Variants in TTC17 observed in about 807,000 individuals in gnomAD.
TTC17 encodes tetratricopeptide repeat domain 17, also known as tetratricopeptide repeat protein 17.
Under a neutral mutation model 143.8 loss-of-function variants are expected in TTC17, and 58 were observed. The observed-to-expected ratio is 0.40, with a 90% CI of 0.33 to 0.50. The LOEUF (loss-of-function observed/expected upper bound fraction) is 0.50. Among genes scored for constraint, TTC17 ranks in the 20% least tolerant of loss-of-function variants. The probability of loss-of-function intolerance (pLI) is 0.49; values close to 1 mark genes in which losing one functional copy is unlikely to be tolerated. For missense variants in TTC17, 1,273 were observed against 1,392.5 expected (o/e 0.91, Z 1.37); for synonymous variants, 501 against 497.8 (o/e 1.01, Z -0.09).
intron 16 of TTC17, among the ~76,000 whole-genome samples, chr11:43,430,102 G>T (rs1947119191): frequency 6.6e-6 from 1 of 152,148 alleles, no homozygotes; most frequent in Admixed American, 6.5e-5. Context: ...AAAACAAAAA[G>T]TTTGGGGAAG....
intron 6 of TTC17, 167 bp downstream of exon 6, chr11:43,396,985 A>G (rs558815515): frequency 2.1e-6 from 1 of 482,172 alleles, no homozygotes; most frequent in Non-Finnish European, 3.6e-6. Flanking sequence ...CACAGATCTC[A>G]AAAAGTTCAA....
Position 43,492,126 on chromosome 11 carries a change from T to C in TTC17, c.3257T>C (p.Val1086Ala), listed in dbSNP as rs986596383. 3 of 1,614,112 alleles carry C rather than the reference T, an allele frequency of 1.9e-6. No individual in the cohort carries two copies. The African/African-American group carries it at 4.0e-5, about 22-fold the overall frequency. Residue 1086 changes from valine to alanine, a missense_variant, in exon 23 of 24, where the codon GTG becomes GCG. By Grantham distance (64) the Val-to-Ala change is moderately conservative (BLOSUM62 0). Transcript: ENST00000039989. ...GTAGAGATCGCACCACACTTTGCTG[T>C]GAACCACTTCACTCTGGGCAATGTC... ...MAVEIAPHFA[V>A]NHFTLGNVYV...
chr11:43,389,144 A>G (rs1857284102), intron 2 of TTC17, among the ~76,000 whole-genome samples: 1 of 152,034 alleles, frequency 6.6e-6, no homozygotes, highest in Admixed American at 6.5e-5. Flanking sequence ...GTCTCAAAAA[A>G]AAAAAAAGGG....
intron 1 of TTC17, chr11:43,370,365 TA>T (rs1856516952): frequency 5.1e-6 from 1 of 194,692 alleles, no homozygotes; most frequent in African/African-American, 2.3e-5. Context: ...GTGATAAGGG[TA>T]AAAATCTGAG....
rs773013435 is a variant in TTC17, at chr11:43,414,758, ACTT to A, written c.2239_2241del (p.Ser747del). The A allele has an allele frequency of 1.7e-5, 28 of 1,613,134 alleles. No individual in the cohort carries two copies. The highest frequency in any genetic ancestry group is 1.7e-4 in the Middle Eastern group (1 of 6,054). ...GTTTTATCCTTTTCTGTACAACATC[ACTT>A]CTTCTGTTTGCAGTGGTAAGCAGCT... On this transcript the variant is annotated inframe_deletion, in exon 16 of 24. Transcript: ENST00000039989.
intron 16 of TTC17, among the ~76,000 whole-genome samples, chr11:43,424,700 G>A (rs1946985051): frequency 6.6e-6 from 1 of 152,146 alleles, no homozygotes; most frequent in African/African-American, 2.4e-5. Context: ...AACCCGGGAG[G>A]TGGAGGTTGC....
At chr11:43,418,987 A>G (rs1276698558) in intron 16 of TTC17, among the ~76,000 whole-genome samples, 3 of 152,280 alleles carry the variant, frequency 2.0e-5, no homozygotes, top group South Asian at 2.1e-4. Flanking sequence ...TTAATGGTCT[A>G]TATTTATTAT....
At chr11:43,483,084 CAGGT>C (rs770925275) in intron 21 of TTC17, among the ~76,000 whole-genome samples, 9 of 151,974 alleles carry the variant, frequency 5.9e-5, no homozygotes, top group Non-Finnish European at 8.8e-5. Flanking sequence ...AATTTGAAAA[CAGGT>C]AGACAATTTC....
chr11:43,388,990 A>G (rs1590340260), intron 2 of TTC17, among the ~76,000 whole-genome samples: 2 of 150,860 alleles, frequency 1.3e-5, no homozygotes, highest in South Asian at 4.2e-4. Flanking sequence ...AAAAAAAAAA[A>G]TTAACTGGGC....
chr11:43,446,153 CA>C (rs1180711652), intron 18 of TTC17: 1 of 1,331,512 alleles, frequency 7.5e-7, no homozygotes, highest in African/African-American at 1.5e-5. Flanking sequence ...TTCTCTGAAC[CA>C]ACCATGCTCA....
intron 23 of TTC17, among the ~76,000 whole-genome samples, chr11:43,493,036 A>G (rs181842329): frequency 3.7e-4 from 56 of 152,346 alleles, no homozygotes; most frequent in African/African-American, 1.3e-3. Flanking sequence ...GTATTGCCGA[A>G]TATGCAGATT....
intron 19 of TTC17, chr11:43,448,511 CTGCTTTTTCCT>C: frequency 6.2e-6 from 1 of 160,156 alleles, no homozygotes; most frequent in South Asian, 1.9e-4. Context: ...CCTCTGATAA[CTGCTTTTTCCT>C]CACTGGACAC....
At chr11:43,442,295 T>C (rs1471114493) in intron 16 of TTC17, among the ~76,000 whole-genome samples, 1 of 152,124 alleles carries the variant, frequency 6.6e-6, no homozygotes, top group African/African-American at 2.4e-5. Context: ...ATGTTCTAAA[T>C]CCCTGAACAA....
At position 43,490,241 on chromosome 11, in the gene TTC17, C is replaced by T. The variant is rs1948450073; in HGVS notation, c.3033C>T (p.Asn1011=). The change falls in exon 22 of 24, where the codon AAC becomes AAT. Residue 1011 remains asparagine (N), a splice_region_variant and synonymous_variant. Transcript: ENST00000039989. ...CCTTGGCTAACATTCCTTTGCAGAA[C>T]CAGACGTCCTGGGTCCTCTCCAGCA... ...GTRIAKVLEK[N]QTSWVLSSMA... 1 of 1,607,850 alleles carries T rather than the reference C, an allele frequency of 6.2e-7. No individual in the cohort carries two copies. Among genetic ancestry groups the T allele is most frequent in the Non-Finnish European group, 8.5e-7 (1 of 1,176,260 alleles).
chr11:43,459,936 A>G (rs1299995669), intron 21 of TTC17, among the ~76,000 whole-genome samples: 1 of 152,222 alleles, frequency 6.6e-6, no homozygotes, highest in African/African-American at 2.4e-5. Context: ...GCTATGATGT[A>G]TGGTAGGTTA....
intron 1 of TTC17, among the ~76,000 whole-genome samples, chr11:43,377,162 G>A (rs1856792041): frequency 6.6e-6 from 1 of 151,956 alleles, no homozygotes; most frequent in African/African-American, 2.4e-5. Flanking sequence ...GCGTAGTGGC[G>A]GACGCCTGTA....
In TTC17 at chr11:43,359,060, G is replaced by A. The variant is rs76471632; in HGVS notation, c.106G>A (p.Ala36Thr). The change falls in exon 1 of 24, where the codon GCC (alanine) becomes ACC (threonine). Residue 36 changes from alanine (A) to threonine (T), a missense_variant. By Grantham distance (58) the Ala-to-Thr change is moderately conservative (BLOSUM62 0). Around this residue, in one of 3 missense-constraint regions of TTC17, gnomAD observed 70 missense variants for 48.5 expected, o/e 1.44. Coordinates refer to ENST00000039989, the MANE Select transcript of TTC17 (RefSeq NM_018259.6). ...CTTGCTGAGTGTGGCGGCACGAGGG[G>A]CCTTCGCCACCACGCACTGGGTCGT... The part of the protein sequence containing the change: ...SALLSVAARG[A>T]FATTHWVVTE... 18 of 1,591,400 alleles carry A rather than the reference G, an allele frequency of 1.1e-5. No individual in the cohort carries two copies. In the East Asian group the frequency reaches 4.0e-4, roughly 36 times the overall value.
intron 15 of TTC17, among the ~76,000 whole-genome samples, chr11:43,407,882 G>A (rs894104313): frequency 2.6e-5 from 4 of 151,708 alleles, no homozygotes; most frequent in African/African-American, 7.3e-5. Flanking sequence ...GAAACATCTG[G>A]TTTGTATTTT....
At chr11:43,412,305 G>C (rs1858451807) in intron 15 of TTC17, among the ~76,000 whole-genome samples, 1 of 152,016 alleles carries the variant, frequency 6.6e-6, no homozygotes, top group Non-Finnish European at 1.5e-5. Flanking sequence ...GCAACACAAT[G>C]AGATCCACTC....
Sources: gnomAD v4.1 joint callset for allele counts (sites outside exome capture counted in the v4.1 genomes callset) on GRCh38, gnomAD v4.1.1 for gene constraint, gnomAD v4.1.1 regional missense constraint, MANE v1.5 for transcripts, NCBI Gene and HGNC (gene_info 2026-07-23, HGNC 2026-07-21) for gene names.